TBC1D10B: variants seen among roughly 807,000 people sequenced by gnomAD.
The protein encoded by TBC1D10B is Rab27A-GAPbeta.
In TBC1D10B, 25 loss-of-function variants were observed where a neutral mutation model predicts 78.4. The ratio of observed to expected loss-of-function variants is 0.32; its 90% CI spans 0.23 to 0.45. The LOEUF (loss-of-function observed/expected upper bound fraction) is 0.45, where lower values mean the gene tolerates loss of function less well. TBC1D10B is among the 20% of genes least tolerant of loss of function. The probability of loss-of-function intolerance (pLI) is 1.00; values close to 1 mark genes in which losing one functional copy is unlikely to be tolerated. For missense variants in TBC1D10B, 996 were observed against 1,104.8 expected, an observed-to-expected ratio of 0.90 and a Z score of 1.40; for synonymous variants, 517 against 478.0, an observed-to-expected ratio of 1.08 and a Z score of -1.06.
chr16:30,365,664 A>T lies in TBC1D10B; in HGVS notation c.957-70T>A. 1 of 1,440,804 alleles carries T rather than the reference A, an allele frequency of 6.9e-7. No individual in the cohort carries two copies. The highest frequency in any genetic ancestry group is 9.7e-7 in the Non-Finnish European group (1 of 1,030,570). The allele number at this position is 1,440,804 out of a possible 1,614,324, so 89.3% of individuals were successfully genotyped here. On this transcript the variant is annotated intron_variant, in intron 1 of 8. Transcript: ENST00000409939. This position sits in a 1 kb window ranked among gnomAD's most constrained non-coding sequence, Gnocchi z 5.0. The stretch of plus-strand genomic sequence containing the variant: ...AAAACCTGCATTGCAGGGGGAACTG[A>T]GGCAAGCCACCTCCCCAAGCTCAAA...
intron 1 of TBC1D10B, chr16:30,366,068 A>G (rs1259458669): frequency 1.2e-5 from 2 of 160,710 alleles, no homozygotes; most frequent in Non-Finnish European, 2.8e-5. Flanking sequence ...AAAATAAAAT[A>G]CCCTAGAGGG....
rs976294085 is a variant in TBC1D10B at position 30,359,449 on chromosome 16, G to A, written c.1453-88C>T. 4 of 1,546,678 alleles carry A rather than the reference G, an allele frequency of 2.6e-6. No homozygotes were observed. In the South Asian group the frequency reaches 3.6e-5, roughly 14 times the overall value. On this transcript the variant is annotated intron_variant, in intron 6 of 8. Transcript: ENST00000409939. Reference sequence around the variant, plus strand: ...TGGCCGGCCCTGTGGGCAGAAGCCGGGAAGGCCAGGGTGGGGCAAGGCAAG... The same window carrying A: ...TGGCCGGCCCTGTGGGCAGAAGCCGAGAAGGCCAGGGTGGGGCAAGGCAAG...
chr16:30,362,650 A>G (rs1029195990), intron 4 of TBC1D10B, among the ~76,000 whole-genome samples: 1 of 152,174 alleles, frequency 6.6e-6, no homozygotes, highest in Admixed American at 6.5e-5. Flanking sequence ...TTTCCAATTT[A>G]TCTCCAGTTT....
At chr16:30,360,787 G>A (rs1049449620) in intron 4 of TBC1D10B, among the ~76,000 whole-genome samples, 3 of 152,026 alleles carry the variant, frequency 2.0e-5, no homozygotes, top group Non-Finnish European at 4.4e-5. Context: ...CTGCTTCCGT[G>A]TCCCTGCCTT....
chr16:30,369,361 G>T lies in TBC1D10B; in HGVS notation c.823C>A (p.Leu275Ile). ...DTLSYLDSVS[L>I]MSGTLESLAD... Reference sequence around the variant, plus strand: ...AAGGACTCCAAGGTCCCAGACATGAGGCTCACGGAGTCCAAGTAACTCAGC... The same window carrying T: ...AAGGACTCCAAGGTCCCAGACATGATGCTCACGGAGTCCAAGTAACTCAGC... The change falls in exon 1 of 9, where the codon CTC (leucine) becomes ATC (isoleucine). Residue 275 changes from leucine (L) to isoleucine (I), a missense_variant. Physicochemically the swap from Leu to Ile is conservative, Grantham distance 5 (BLOSUM62 2). Coordinates refer to ENST00000409939, the MANE Select transcript of TBC1D10B (RefSeq NM_015527.4). The surrounding 1 kb of genome is among the most constrained non-coding windows in gnomAD (Gnocchi z 4.3). The T allele has an allele frequency of 6.3e-7, 1 of 1,597,040 alleles. No individual in the cohort carries two copies. Among genetic ancestry groups the T allele is most frequent in the East Asian group, 2.3e-5 (1 of 43,914 alleles).
chr16:30,361,899 T>A (rs1290204802), intron 4 of TBC1D10B, among the ~76,000 whole-genome samples: 1 of 151,178 alleles, frequency 6.6e-6, no homozygotes, highest in Non-Finnish European at 1.5e-5. Context: ...CAGGCTGGAG[T>A]GCAGTGGCGC....
At chr16:30,361,032 C>T (rs1453707632) in intron 4 of TBC1D10B, among the ~76,000 whole-genome samples, 1 of 152,122 alleles carries the variant, frequency 6.6e-6, no homozygotes, top group Non-Finnish European at 1.5e-5. Flanking sequence ...CGCCTGTAAT[C>T]CTAGCACTTT....
At position 30,358,711 on chromosome 16, in the gene TBC1D10B, C is replaced by T; in HGVS notation, c.1749G>A (p.Leu583=). 1 of 1,611,074 alleles carries T rather than the reference C, an allele frequency of 6.2e-7. No individual in the cohort carries two copies. The highest frequency in any genetic ancestry group is 8.5e-7 in the Non-Finnish European group (1 of 1,178,324). ...GCATGCACTGCTGGGGCAGGTTACG[C>T]AGCTGCTCCATGGTCTCATACATGC... ...CQGMYETMEQ[L]RNLPQQCMQE... The change falls in exon 8 of 9, where the codon CTG becomes CTA. Residue 583 remains leucine, a synonymous_variant. Transcript: ENST00000409939.
Position 30,370,158 on chromosome 16 carries a change from AC to A in TBC1D10B, c.25del (p.Val9TrpfsTer34). 1 of 1,186,764 alleles carries A rather than the reference AC, an allele frequency of 8.4e-7. No individual in the cohort carries two copies. Among genetic ancestry groups the A allele is most frequent in the Non-Finnish European group, 1.0e-6 (1 of 959,070 alleles). 73.5% of individuals were successfully genotyped at this position (1,186,764 alleles called of 1,614,324 possible). On this transcript the variant is annotated frameshift_variant, in exon 1 of 9. Coordinates refer to ENST00000409939, the MANE Select transcript of TBC1D10B (RefSeq NM_015527.4). LOFTEE classifies it high-confidence loss of function. METGTAPL[V>X]APPRRHGAPA... ...GGCGCCATGACGGCGCGGCGGGGCC[AC>A]CAGGGGCGCCGTGCCCGTCTCCATG...
In TBC1D10B at chr16:30,369,219, G is replaced by A. The variant is rs1596990880; in HGVS notation, c.956+9C>T. 2 of 1,569,968 alleles carry A rather than the reference G, an allele frequency of 1.3e-6. No homozygotes were observed. Among genetic ancestry groups the A allele is most frequent in the Non-Finnish European group, 1.7e-6 (2 of 1,157,816 alleles). ...GAGGCGGTCCCGCTGGGTGCCCACT[G>A]GTACTCACAGGCTGCCCGAGTACTG... On this transcript the variant is annotated intron_variant, in intron 1 of 8. Coordinates refer to ENST00000409939, the MANE Select transcript of TBC1D10B (RefSeq NM_015527.4). The surrounding 1 kb of genome is among the most constrained non-coding windows in gnomAD (Gnocchi z 4.3).
At chr16:30,368,649 A>G (rs2049656080) in intron 1 of TBC1D10B, among the ~76,000 whole-genome samples, 1 of 152,106 alleles carries the variant, frequency 6.6e-6, no homozygotes, top group Non-Finnish European at 1.5e-5. Flanking sequence ...CCCACCCTTT[A>G]CTTCAGTGCA....
In TBC1D10B at chr16:30,358,477, G is replaced by A. The variant is rs1265604576; in HGVS notation, c.1894C>T (p.Pro632Ser). The change falls in exon 9 of 9, where the codon CCC (proline) becomes TCC (serine). Residue 632 changes from proline (P) to serine (S), a missense_variant. By Grantham distance (74) the Pro-to-Ser change is moderately conservative (BLOSUM62 -1). Transcript: ENST00000409939. ...CGGGACCCATGCAGTCGCCGTGAGG[G>A]CCGATACTGCAGCTCCCCCCGCGTT... ...RETRGELQYR[P>S]SRRLHGSRAI... 2 of 1,597,170 alleles carry A rather than the reference G, an allele frequency of 1.3e-6. No individual in the cohort carries two copies. The highest frequency in any genetic ancestry group is 1.3e-5 in the African/African-American group (1 of 74,574).
rs767545723 is a variant in TBC1D10B at position 30,359,712 on chromosome 16, G to C, written c.1386+15C>G. The C allele has an allele frequency of 1.3e-5, 21 of 1,564,530 alleles. No individual in the cohort carries two copies. The South Asian group carries it at 2.2e-4, about 17-fold the overall frequency. Reference sequence around the variant, plus strand: ...ATCCCCCCTGCCCCTCCCGGCCCAGGACCAGGGCGCTGACCTCCGCAGGCA... The same window carrying C: ...ATCCCCCCTGCCCCTCCCGGCCCAGCACCAGGGCGCTGACCTCCGCAGGCA... On this transcript the variant is annotated intron_variant, in intron 5 of 8. Coordinates refer to ENST00000409939, the MANE Select transcript of TBC1D10B (RefSeq NM_015527.4).
At chr16:30,358,950 G>A in intron 7 of TBC1D10B, 133 bp from the exon 8 acceptor site, 1 of 1,285,194 alleles carries the variant, frequency 7.8e-7, no homozygotes, top group Non-Finnish European at 1.1e-6. Flanking sequence ...CCCTGTGAAA[G>A]TACATGAGCT....
chr16:30,363,615 A>C (rs1306325174), intron 4 of TBC1D10B, among the ~76,000 whole-genome samples: 1 of 152,162 alleles, frequency 6.6e-6, no homozygotes, highest in African/African-American at 2.4e-5. Context: ...AAAAGTAAAA[A>C]TAAAAATAAC....
In TBC1D10B at chr16:30,370,126, C is replaced by T. The variant is rs1023015741; in HGVS notation, c.58G>A (p.Ala20Thr). ...GAACCCCGGGGCGGCGGCGAGGGGG[C>T]CGCGGGGGCGCCATGACGGCGCGGC... ...APPRRHGAPA[A>T]PSPPPRGSRA... is the part of the protein sequence containing the mutation. Residue 20 changes from alanine (A) to threonine (T), a missense_variant, in exon 1 of 9, where the codon GCC (alanine) becomes ACC (threonine). Around this residue, in one of 5 missense-constraint regions of TBC1D10B, gnomAD observed 448 missense variants for 442.1 expected, o/e 1.01. Transcript: ENST00000409939. 4.5e-5 allele frequency: 54 copies of T among 1,210,520 alleles called. 1 individual carries two copies. Among genetic ancestry groups the T allele is most frequent in the East Asian group, 4.4e-4 (13 of 29,866 alleles). The allele number at this position is 1,210,520 out of a possible 1,614,324, so 75.0% of individuals were successfully genotyped here.
Position 30,369,950 on chromosome 16 carries a change from C to CGGGGCT in TBC1D10B, c.228_233dup (p.Pro82_Ala83dup), listed in dbSNP as rs1307118081. ...TGCCCGTGACAGCCGGGGCTGGGGC[C>CGGGGCT]GGGGCTGGGGCCGGGGCCGGAGCAG... is the stretch of plus-strand genomic sequence containing the variant. On this transcript the variant is annotated inframe_insertion, in exon 1 of 9. Transcript: ENST00000409939. The surrounding 1 kb of genome is among the most constrained non-coding windows in gnomAD (Gnocchi z 4.3). 14 of 1,282,978 alleles carry CGGGGCT rather than the reference C, an allele frequency of 1.1e-5. No homozygotes were observed. Among genetic ancestry groups the CGGGGCT allele is most frequent in the Admixed American group, 3.9e-5 (1 of 25,566 alleles). 79.5% of individuals were successfully genotyped at this position (1,282,978 alleles called of 1,614,324 possible).
In TBC1D10B at chr16:30,369,449, G is replaced by A. The variant is rs764515914; in HGVS notation, c.735C>T (p.Asp245=). The A allele has an allele frequency of 6.4e-7, 1 of 1,554,192 alleles. No individual in the cohort carries two copies. The highest frequency in any genetic ancestry group is 8.7e-7 in the Non-Finnish European group (1 of 1,148,638). Residue 245 remains aspartate, a synonymous_variant, in exon 1 of 9, where the codon GAC becomes GAT. Transcript: ENST00000409939. This position sits in a 1 kb window ranked among gnomAD's most constrained non-coding sequence, Gnocchi z 4.3. ...PAPEPAENSQ[D]LGSTSSLGPG... ...GTCCCAGGCTGGACGTGGAGCCCAG[G>A]TCTTGAGAGTTTTCAGCAGGCTCCG...
chr16:30,358,010 C>T lies in TBC1D10B; in HGVS notation c.2361G>A (p.Gly787=), dbSNP rs1445350436. The part of the protein sequence containing the change: ...RKLSLRRKAD[G]PPGPHDGGDR... ...CCCCACCATCATGGGGGCCTGGGGG[C>T]CCATCTGCCTTTCGACGCAGCGAAA... The change falls in exon 9 of 9, where the codon GGG becomes GGA. Residue 787 remains glycine, a synonymous_variant. Coordinates refer to ENST00000409939, the MANE Select transcript of TBC1D10B (RefSeq NM_015527.4). 6.4e-7 allele frequency: 1 copy of T among 1,551,694 alleles called. No homozygotes were observed. The highest frequency in any genetic ancestry group is 1.4e-5 in the African/African-American group (1 of 73,066).
Sources: gnomAD v4.1 joint callset for allele counts (sites outside exome capture counted in the v4.1 genomes callset) on GRCh38, gnomAD v4.1.1 for gene constraint, gnomAD v4.1.1 regional missense constraint, Gnocchi (gnomAD v3.1) non-coding constraint, MANE v1.5 for transcripts, NCBI Gene and HGNC (gene_info 2026-07-23, HGNC 2026-07-21) for gene names.